Variants in ERC2 observed in about 807,000 individuals in gnomAD.
The protein encoded by ERC2 is ELKS/RAB6-interacting/CAST family member 2.
In ERC2, 42 loss-of-function variants were observed where a neutral mutation model predicts 114.8. That is an observed-to-expected ratio of 0.37 (90% CI 0.29 to 0.47). ERC2 has a LOEUF of 0.47. Ranked by LOEUF, ERC2 falls within the 20% of genes least tolerant of loss-of-function variation. The pLI, the probability that ERC2 is intolerant of heterozygous loss-of-function variation, is 0.99. For missense variants in ERC2, 939 were observed against 1,150.7 expected (o/e 0.82, Z 2.66); for synonymous variants, 454 against 425.5 (o/e 1.07, Z -0.82).
chr3:56,396,152 A>C (rs1298689722), intron 2 of ERC2, among the ~76,000 whole-genome samples: 1 of 152,242 alleles, frequency 6.6e-6, no homozygotes, highest in African/African-American at 2.4e-5. Flanking sequence ...ATAGCTATTA[A>C]AAATTTTCAT....
At chr3:55,598,434 A>C (rs904651422) in intron 17 of ERC2, among the ~76,000 whole-genome samples, 5 of 152,238 alleles carry the variant, frequency 3.3e-5, no homozygotes, top group African/African-American at 1.2e-4. Context: ...ATTAGTGCTG[A>C]CTATGCAGGC....
chr3:56,291,936 G>C (rs1053323337), intron 3 of ERC2, among the ~76,000 whole-genome samples: 1 of 151,930 alleles, frequency 6.6e-6, no homozygotes, highest in Admixed American at 6.6e-5. Context: ...AAATAACCCA[G>C]TTATTTGGCA....
At chr3:55,530,025 A>G (rs1160961261) in intron 17 of ERC2, among the ~76,000 whole-genome samples, 1 of 152,342 alleles carries the variant, frequency 6.6e-6, no homozygotes, top group African/African-American at 2.4e-5. Flanking sequence ...AGCAAGAGGA[A>G]TAAAGGATTC....
intron 7 of ERC2, among the ~76,000 whole-genome samples, chr3:56,052,942 G>A (rs547372638): frequency 2.0e-5 from 3 of 152,142 alleles, no homozygotes; most frequent in Non-Finnish European, 4.4e-5. Flanking sequence ...CTCTTCAGGT[G>A]GGGTAGGACT....
intron 17 of ERC2, chr3:55,612,824 C>G (rs2058964644): frequency 6.6e-6 from 1 of 152,310 alleles, no homozygotes; most frequent in African/African-American, 2.4e-5. Context: ...TCTACTATCT[C>G]CAAAAGACCC....
intron 14 of ERC2, among the ~76,000 whole-genome samples, chr3:55,775,069 A>G (rs1458868477): frequency 2.0e-5 from 3 of 152,226 alleles, no homozygotes; most frequent in Non-Finnish European, 4.4e-5. Context: ...CAGAAGCAGG[A>G]GCCCAGCTAG....
At chr3:56,445,215 C>T (rs1414107407) in intron 1 of ERC2, among the ~76,000 whole-genome samples, 2 of 152,182 alleles carry the variant, frequency 1.3e-5, no homozygotes, top group African/African-American at 4.8e-5. Flanking sequence ...CAGTCTCCTC[C>T]ACTCCCATTA....
intron 1 of ERC2, among the ~76,000 whole-genome samples, chr3:56,437,536 T>C (rs2062078507): frequency 6.6e-6 from 1 of 152,254 alleles, no homozygotes; most frequent in Non-Finnish European, 1.5e-5. Flanking sequence ...TAGTGACACA[T>C]ACAGTATGAA....
chr3:56,444,350 A>T (rs1312348319), intron 1 of ERC2, among the ~76,000 whole-genome samples: 1 of 152,170 alleles, frequency 6.6e-6, no homozygotes, highest in Non-Finnish European at 1.5e-5. Context: ...TGTGTACAGA[A>T]ACAAATAAAT....
intron 4 of ERC2, 36 bp from the exon 5 acceptor site, chr3:56,149,168 G>T (rs911797531): frequency 6.6e-7 from 1 of 1,509,958 alleles, no homozygotes; most frequent in Non-Finnish European, 8.9e-7. Context: ...GAAAAATAAA[G>T]AATAAAAATT....
chr3:56,138,055 T>C (rs1240321251), intron 6 of ERC2, among the ~76,000 whole-genome samples: 2 of 137,644 alleles, frequency 1.5e-5, no homozygotes, highest in Non-Finnish European at 3.1e-5. Context: ...GTATTTCTTT[T>C]TTTTTTTTTT....
chr3:56,118,975 G>A (rs1284470426), intron 6 of ERC2, among the ~76,000 whole-genome samples: 1 of 152,056 alleles, frequency 6.6e-6, no homozygotes, highest in Non-Finnish European at 1.5e-5. Context: ...AATTGTTTTT[G>A]GTAAAGGGCC....
chr3:55,731,568 A>G (rs974631585), intron 15 of ERC2, among the ~76,000 whole-genome samples: 2 of 152,242 alleles, frequency 1.3e-5, no homozygotes, highest in Non-Finnish European at 2.9e-5. Flanking sequence ...CACTCAGATA[A>G]TAAATGTTAG....
intron 6 of ERC2, among the ~76,000 whole-genome samples, chr3:56,118,612 G>A (rs555326150): frequency 6.6e-6 from 1 of 151,280 alleles, no homozygotes; most frequent in Non-Finnish European, 1.5e-5. Flanking sequence ...GTTTTCTAAG[G>A]AAGTTCACAC....
intron 2 of ERC2, among the ~76,000 whole-genome samples, chr3:56,366,155 T>C (rs2059142939): frequency 1.3e-5 from 2 of 152,220 alleles, no homozygotes; most frequent in Non-Finnish European, 2.9e-5. Context: ...ACTCTGCTTC[T>C]AGTTAGCCCG....
intron 14 of ERC2, among the ~76,000 whole-genome samples, chr3:55,790,473 C>T (rs560144063): frequency 1.3e-5 from 2 of 152,304 alleles, no homozygotes; most frequent in South Asian, 4.1e-4. Flanking sequence ...TCAACAGAGT[C>T]CTACCGTTGA....
chr3:55,988,041 A>G (rs756745067), intron 11 of ERC2, among the ~76,000 whole-genome samples: 11 of 152,202 alleles, frequency 7.2e-5, no homozygotes, highest in Non-Finnish European at 1.3e-4. Context: ...TGAGAAATAT[A>G]GTGGCAGCAG....
intron 2 of ERC2, among the ~76,000 whole-genome samples, chr3:56,358,991 T>A (rs1261149385): frequency 6.6e-6 from 1 of 152,190 alleles, no homozygotes; most frequent in East Asian, 1.9e-4. Flanking sequence ...AGCAATAAAA[T>A]CACTGGGTAG....
chr3:55,687,637 C>G (rs1208559122), intron 16 of ERC2, among the ~76,000 whole-genome samples: 1 of 152,176 alleles, frequency 6.6e-6, no homozygotes, highest in Non-Finnish European at 1.5e-5. Flanking sequence ...ATAACTAGGT[C>G]TGGTGTGGGC....
Sources: allele counts gnomAD v4.1 joint callset (sites outside exome capture counted in the v4.1 genomes callset), GRCh38; gene constraint gnomAD v4.1.1; transcripts MANE v1.5; gene names NCBI Gene and HGNC (gene_info 2026-07-23, HGNC 2026-07-21).